The following UST variants were observed in gnomAD, a reference collection of about 807,000 sequenced individuals.
UST encodes chondroitin sulfate 2-O-sulfotransferase.
A neutral mutation model predicts 45.6 loss-of-function variants in UST; 21 were observed. That is an observed-to-expected ratio of 0.46 (90% CI 0.33 to 0.66). The LOEUF (loss-of-function observed/expected upper bound fraction) is 0.66. Ranked by LOEUF, UST falls within the 30% of genes least tolerant of loss-of-function variation. The pLI is 0.02. For missense variants in UST, 463 were observed against 512.4 expected (o/e 0.90, Z 0.93); for synonymous variants, 215 against 200.6 (o/e 1.07, Z -0.61).
intron 7 of UST, among the ~76,000 whole-genome samples, chr6:149,045,117 C>A (rs1776379563): frequency 6.6e-6 from 1 of 152,162 alleles, no homozygotes; most frequent in African/African-American, 2.4e-5. Context: ...TTTAGGCATT[C>A]TGAAGTTAAG....
chr6:148,975,554 G>A (rs1450857005), intron 5 of UST, among the ~76,000 whole-genome samples: 1 of 151,974 alleles, frequency 6.6e-6, no homozygotes, highest in African/African-American at 2.4e-5. Context: ...ACACTCCTAT[G>A]TCTTTCTGAT....
chr6:148,812,471 G>A (rs1459770781), intron 1 of UST, among the ~76,000 whole-genome samples: 4 of 152,146 alleles, frequency 2.6e-5, no homozygotes, highest in Non-Finnish European at 2.9e-5. Context: ...AGTTTCTGGG[G>A]GTCAGGAATC....
At chr6:148,890,116 G>C (rs1186945217) in intron 2 of UST, among the ~76,000 whole-genome samples, 1 of 152,110 alleles carries the variant, frequency 6.6e-6, no homozygotes, top group African/African-American at 2.4e-5. Flanking sequence ...TCTGGGATTG[G>C]AGCAGCAAAA....
intron 1 of UST, among the ~76,000 whole-genome samples, chr6:148,751,359 C>G (rs1468500890): frequency 6.6e-6 from 1 of 152,174 alleles, no homozygotes; most frequent in East Asian, 1.9e-4. Flanking sequence ...TGGCTTTAGA[C>G]CTTCCAAGGT....
chr6:148,942,435 G>A (rs978936301), intron 3 of UST, among the ~76,000 whole-genome samples: 9 of 152,160 alleles, frequency 5.9e-5, no homozygotes, highest in African/African-American at 2.2e-4. Context: ...GCACGTGCCT[G>A]TAGTCCCAGC....
At chr6:148,986,966 G>C (rs1433424035) in intron 5 of UST, among the ~76,000 whole-genome samples, 1 of 152,228 alleles carries the variant, frequency 6.6e-6, no homozygotes, top group African/African-American at 2.4e-5. Context: ...CACCCTACTG[G>C]TGATTAAGGA....
chr6:149,008,811 A>G (rs1775756973), intron 5 of UST, among the ~76,000 whole-genome samples: 1 of 152,222 alleles, frequency 6.6e-6, no homozygotes, highest in African/African-American at 2.4e-5. Context: ...ATTCATTCCC[A>G]AAGTATTTGA....
At chr6:148,862,541 T>C (rs1403818332) in intron 1 of UST, among the ~76,000 whole-genome samples, 1 of 152,258 alleles carries the variant, frequency 6.6e-6, no homozygotes, top group Non-Finnish European at 1.5e-5. Flanking sequence ...CCTGTCATTA[T>C]CGTGTTAGCT....
rs538345114 is a variant in UST, at chr6:149,064,090, T to C, written c.938-9743T>C. Among the ~76,000 whole-genome samples, 6 of 152,300 alleles carry C rather than the reference T, an allele frequency of 3.9e-5. No homozygotes were observed. The East Asian group carries it at 1.2e-3, about 29-fold the overall frequency. ...GTATTTAAGATAAGCCCAATAAGCC[T>C]GGTCTCCCTGGTGAGGATTTCTGAC... On this transcript the variant is annotated intron_variant, in intron 7 of 7. Transcript: ENST00000367463.
At chr6:148,917,972 C>T (rs1211428806) in intron 2 of UST, among the ~76,000 whole-genome samples, 1 of 152,194 alleles carries the variant, frequency 6.6e-6, no homozygotes, top group Non-Finnish European at 1.5e-5. Flanking sequence ...CTATACTGCC[C>T]TCTCTGTGCA....
chr6:148,863,744 G>T (rs942710313), intron 1 of UST, among the ~76,000 whole-genome samples: 5 of 151,862 alleles, frequency 3.3e-5, no homozygotes, highest in Non-Finnish European at 7.4e-5. Context: ...TCAGCTGCAG[G>T]TCTGTTGGAG....
chr6:148,878,828 T>G (rs67037507), intron 1 of UST, among the ~76,000 whole-genome samples: 10,966 of 151,358 alleles, frequency 0.072, 715 homozygotes, highest in African/African-American at 0.18. Flanking sequence ...GTGGGGATTA[T>G]GTATGAGTAT....
chr6:149,064,059 T>C (rs1776697652), intron 7 of UST, among the ~76,000 whole-genome samples: 1 of 152,262 alleles, frequency 6.6e-6, no homozygotes, highest in East Asian at 1.9e-4. Flanking sequence ...CCCAACTCCA[T>C]GCAGAGTATT....
chr6:148,952,118 G>A (rs1455911751), intron 3 of UST, among the ~76,000 whole-genome samples: 1 of 152,122 alleles, frequency 6.6e-6, no homozygotes, highest in African/African-American at 2.4e-5. Context: ...AAGTGTTAAT[G>A]GTCTTTACAT....
At chr6:148,758,587 C>G (rs998670139) in intron 1 of UST, among the ~76,000 whole-genome samples, 9 of 152,224 alleles carry the variant, frequency 5.9e-5, no homozygotes, top group African/African-American at 2.2e-4. Context: ...GAAACTACCA[C>G]GTCCAGTAGT....
intron 1 of UST, among the ~76,000 whole-genome samples, chr6:148,808,380 C>T (rs1284868539): frequency 6.6e-6 from 1 of 152,098 alleles, no homozygotes; most frequent in Non-Finnish European, 1.5e-5. Flanking sequence ...GCATAAGATC[C>T]TAAACATGAC....
chr6:148,933,062 T>C (rs1712616197), intron 2 of UST, among the ~76,000 whole-genome samples: 2 of 152,218 alleles, frequency 1.3e-5, no homozygotes, highest in African/African-American at 4.8e-5. Context: ...CCAAGGGGAA[T>C]GCCAGAGTTT....
intron 1 of UST, 58 bp downstream of exon 1, chr6:148,747,735 G>A: frequency 1.3e-6 from 2 of 1,496,940 alleles, no homozygotes. Context: ...GTGCGGCGGG[G>A]AGAGGGTCGC....
chr6:148,864,241 T>G (rs968508867), intron 1 of UST, among the ~76,000 whole-genome samples: 14 of 152,232 alleles, frequency 9.2e-5, no homozygotes, highest in Non-Finnish European at 1.9e-4. Context: ...CACCTCGCAG[T>G]TCGATCTCAT....
Sources: gnomAD v4.1 joint callset for allele counts (sites outside exome capture counted in the v4.1 genomes callset) on GRCh38, gnomAD v4.1.1 for gene constraint, MANE v1.5 for transcripts, NCBI Gene and HGNC (gene_info 2026-07-23, HGNC 2026-07-21) for gene names.